The following LDB2 variants were observed in gnomAD, a reference collection of about 807,000 sequenced individuals.
LDB2 encodes LIM domain-binding protein 2.
A neutral mutation model predicts 44.3 loss-of-function variants in LDB2; 12 were observed. The ratio of observed to expected loss-of-function variants is 0.27; its 90% CI spans 0.17 to 0.44. The LOEUF is 0.44. Ranked by LOEUF, LDB2 falls within the 20% of genes least tolerant of loss-of-function variation. The probability of loss-of-function intolerance (pLI) is 1.00; values close to 1 mark genes in which losing one functional copy is unlikely to be tolerated. For synonymous variants in LDB2, 164 were observed against 174.8 expected (o/e 0.94, Z 0.49); for missense variants, 344 against 473.5 (o/e 0.73, Z 2.54).
chr4:16,508,949 T>C (rs1720652385), intron 6 of LDB2, among the ~76,000 whole-genome samples: 1 of 152,232 alleles, frequency 6.6e-6, no homozygotes, highest in Admixed American at 6.5e-5. Context: ...TATTTAATTT[T>C]GTAAAAATAT....
intron 1 of LDB2, among the ~76,000 whole-genome samples, chr4:16,767,856 C>T (rs983375943): frequency 6.6e-5 from 10 of 152,304 alleles, no homozygotes; most frequent in South Asian, 4.1e-4. Flanking sequence ...TCACCAGCAG[C>T]CTAATCATAT....
chr4:16,503,397 T>C (rs1022917941), intron 7 of LDB2, among the ~76,000 whole-genome samples: 1 of 152,232 alleles, frequency 6.6e-6, no homozygotes, highest in Non-Finnish European at 1.5e-5. Flanking sequence ...TACATTTTAA[T>C]TGAAGACAGA....
intron 2 of LDB2, among the ~76,000 whole-genome samples, chr4:16,598,302 T>A (rs534026207): frequency 1.3e-5 from 2 of 152,322 alleles, no homozygotes; most frequent in South Asian, 4.1e-4. Context: ...AAAGTCCTAC[T>A]ACTCTAAGAC....
chr4:16,716,287 G>T (rs1757063674), intron 2 of LDB2, among the ~76,000 whole-genome samples: 1 of 152,172 alleles, frequency 6.6e-6, no homozygotes, highest in African/African-American at 2.4e-5. Flanking sequence ...AGGAGTGGGA[G>T]CTTCAAAGAG....
intron 2 of LDB2, among the ~76,000 whole-genome samples, chr4:16,723,465 G>T (rs1388230204): frequency 1.3e-5 from 2 of 152,118 alleles, no homozygotes; most frequent in African/African-American, 4.8e-5. Flanking sequence ...CAGCCCCTGT[G>T]ACCTAATTAC....
intron 1 of LDB2, among the ~76,000 whole-genome samples, chr4:16,770,669 T>A (rs1770470294): frequency 6.6e-6 from 1 of 152,164 alleles, no homozygotes; most frequent in African/African-American, 2.4e-5. Context: ...CCACAAAGCT[T>A]TACTCGCTGC....
chr4:16,823,585 T>C (rs1782501095), intron 1 of LDB2, among the ~76,000 whole-genome samples: 1 of 152,198 alleles, frequency 6.6e-6, no homozygotes, highest in South Asian at 2.1e-4. Flanking sequence ...CTGCTTTCTG[T>C]GCCAGTGATG....
chr4:16,502,744 T>TGAA lies in LDB2; in HGVS notation c.1018_1020dup (p.Phe340dup). ...TTGTTCCCCAGCGCGGGTGAATTGT[T>TGAA]GAAGTCCTCCTCGTCGTCCATGCCG... On this transcript the variant is annotated inframe_insertion, in exon 8 of 8. Coordinates refer to ENST00000304523, the MANE Select transcript of LDB2 (RefSeq NM_001290.5). The TGAA allele has an allele frequency of 2.5e-6, 4 of 1,614,056 alleles. No homozygotes were observed. The highest frequency in any genetic ancestry group is 3.4e-6 in the Non-Finnish European group (4 of 1,179,982).
chr4:16,578,267 A>C (rs1712643083), intron 5 of LDB2, among the ~76,000 whole-genome samples: 1 of 152,214 alleles, frequency 6.6e-6, no homozygotes, highest in African/African-American at 2.4e-5. Context: ...GTGAAGAGAC[A>C]ATCCACAGAG....
At chr4:16,522,630 T>C (rs1298745234) in intron 5 of LDB2, among the ~76,000 whole-genome samples, 1 of 152,192 alleles carries the variant, frequency 6.6e-6, no homozygotes, top group African/African-American at 2.4e-5. Context: ...AACAACTCTA[T>C]GTATCTCTGT....
chr4:16,641,287 C>A (rs28376650), intron 2 of LDB2, among the ~76,000 whole-genome samples: 80,743 of 151,538 alleles, frequency 0.53, 23,432 homozygotes, highest in Middle Eastern at 0.73. Flanking sequence ...ACAAGAGGAA[C>A]AGGAAATGAA....
At chr4:16,555,092 G>A (rs1232746610) in intron 5 of LDB2, among the ~76,000 whole-genome samples, 3 of 37,514 alleles carry the variant, frequency 8.0e-5, no homozygotes, top group Non-Finnish European at 1.5e-4. Context: ...AAAATATGGA[G>A]TGGTTTTTTT....
intron 2 of LDB2, among the ~76,000 whole-genome samples, chr4:16,679,234 T>G (rs112876510): frequency 6.6e-5 from 10 of 152,244 alleles, no homozygotes; most frequent in African/African-American, 2.4e-4. Context: ...GAATGATTCT[T>G]TTAATTTTTG....
At chr4:16,894,615 T>C (rs1724382646) in intron 1 of LDB2, among the ~76,000 whole-genome samples, 1 of 152,082 alleles carries the variant, frequency 6.6e-6, no homozygotes, top group Non-Finnish European at 1.5e-5. Flanking sequence ...AAAATAAATG[T>C]GGGGGATGTG....
chr4:16,645,440 G>A (rs193076171), intron 2 of LDB2, among the ~76,000 whole-genome samples: 1,886 of 151,238 alleles, frequency 0.012, 22 homozygotes, highest in South Asian at 0.035. Flanking sequence ...GGGAGGCTGA[G>A]GCAGGAGAAT....
intron 2 of LDB2, among the ~76,000 whole-genome samples, chr4:16,717,184 AATAATG>A (rs1470584719): frequency 3.2e-5 from 3 of 93,472 alleles, no homozygotes; most frequent in African/African-American, 9.9e-5. Flanking sequence ...TAATAATAAT[AATAATG>A]ATGATGAGGA....
chr4:16,825,175 C>T (rs1782824868), intron 1 of LDB2, among the ~76,000 whole-genome samples: 1 of 152,122 alleles, frequency 6.6e-6, no homozygotes, highest in South Asian at 2.1e-4. Context: ...AGGAAGCGAC[C>T]TGTTTCATAG....
At chr4:16,705,337 T>C (rs553903509) in intron 2 of LDB2, among the ~76,000 whole-genome samples, 2 of 152,244 alleles carry the variant, frequency 1.3e-5, no homozygotes, top group South Asian at 4.2e-4. Flanking sequence ...TTTTTTCACC[T>C]ATTGAAGTTG....
chr4:16,762,752 C>T (rs1409723127), intron 1 of LDB2, among the ~76,000 whole-genome samples: 1 of 152,150 alleles, frequency 6.6e-6, no homozygotes, highest in African/African-American at 2.4e-5. Context: ...TAATCTAACT[C>T]TTGGTCTCTG....
Sources: allele counts gnomAD v4.1 joint callset (sites outside exome capture counted in the v4.1 genomes callset), GRCh38; gene constraint gnomAD v4.1.1; transcripts MANE v1.5; gene names NCBI Gene and HGNC (gene_info 2026-07-23, HGNC 2026-07-21).